COLQ: variants seen among roughly 807,000 people sequenced by gnomAD.
COLQ encodes the protein collagen like tail subunit of asymmetric acetylcholinesterase.
COLQ carries 48 observed loss-of-function variants against 69.0 expected under a neutral mutation model. That is an observed-to-expected ratio of 0.70 (90% CI 0.55 to 0.88). The LOEUF is 0.88. Among genes scored for constraint, COLQ ranks in the 40% least tolerant of loss-of-function variants. The pLI, the probability that COLQ is intolerant of heterozygous loss-of-function variation, is 0.00. For missense variants in COLQ, 618 were observed against 594.6 expected, an observed-to-expected ratio of 1.04 and a Z score of -0.41; for synonymous variants, 217 against 211.2, an observed-to-expected ratio of 1.03 and a Z score of -0.24.
intron 1 of COLQ, among the ~76,000 whole-genome samples, chr3:15,514,600 AC>A (rs1197684030): frequency 1.3e-5 from 2 of 152,152 alleles, no homozygotes; most frequent in African/African-American, 4.8e-5. Flanking sequence ...AGGGCTGGGA[AC>A]CAGTGCTGTA....
chr3:15,509,451 G>C (rs2062954716), intron 1 of COLQ, among the ~76,000 whole-genome samples: 1 of 152,188 alleles, frequency 6.6e-6, no homozygotes, highest in Admixed American at 6.5e-5. Flanking sequence ...GTCTTAGAAG[G>C]GGAGAAGCTT....
intron 13 of COLQ, among the ~76,000 whole-genome samples, chr3:15,457,773 C>T (rs557839991): frequency 6.6e-5 from 10 of 152,168 alleles, no homozygotes; most frequent in South Asian, 6.2e-4. Flanking sequence ...CCACCGCGCC[C>T]GGCTAATTTT....
rs564244822 is a variant in COLQ at position 15,489,589 on chromosome 3, C to T, written c.155G>A (p.Cys52Tyr). 8.7e-6 allele frequency: 14 copies of T among 1,614,220 alleles called. No individual in the cohort carries two copies. The African/African-American group carries it at 1.6e-4, about 18-fold the overall frequency. ...TGGTGGTGGAGGAGGCGTCAGCAGG[C>T]AGCATGCTTTGTGGCCACCACGCTT... ...QKKRGGHKAC[C>Y]LLTPPPPPLF... The change falls in exon 2 of 17, where the codon TGC becomes TAC. Residue 52 changes from cysteine to tyrosine, a missense_variant. Transcript: ENST00000383788.
chr3:15,459,467 C>A (rs1575464276), intron 12 of COLQ, among the ~76,000 whole-genome samples: 1 of 150,068 alleles, frequency 6.7e-6, no homozygotes, highest in South Asian at 2.1e-4. Context: ...ACCACTTTAG[C>A]ATAAGGCATC....
At chr3:15,481,771 G>A (rs925431540) in intron 3 of COLQ, among the ~76,000 whole-genome samples, 18 of 152,198 alleles carry the variant, frequency 1.2e-4, no homozygotes, top group Non-Finnish European at 2.4e-4. Context: ...GTAGCTTGAT[G>A]GGGATGGCAC....
At chr3:15,510,173 C>A (rs1433137996) in intron 1 of COLQ, among the ~76,000 whole-genome samples, 2 of 148,952 alleles carry the variant, frequency 1.3e-5, no homozygotes, top group South Asian at 2.1e-4. Flanking sequence ...GAGACTCTGT[C>A]TAAAAAAAAA....
chr3:15,508,727 CTGA>C (rs1360539647), intron 1 of COLQ, among the ~76,000 whole-genome samples: 1 of 152,088 alleles, frequency 6.6e-6, no homozygotes, highest in African/African-American at 2.4e-5. Flanking sequence ...CACCAACAGT[CTGA>C]TGTTACACCT....
intron 12 of COLQ, among the ~76,000 whole-genome samples, chr3:15,458,849 T>G (rs1385383751): frequency 6.6e-6 from 1 of 151,548 alleles, no homozygotes; most frequent in Non-Finnish European, 1.5e-5. Flanking sequence ...ATATAGAATT[T>G]TTTTTTTTTT....
intron 1 of COLQ, among the ~76,000 whole-genome samples, chr3:15,512,052 C>A (rs546301414): frequency 6.6e-6 from 1 of 151,842 alleles, no homozygotes; most frequent in African/African-American, 2.4e-5. Context: ...ATGCCAGGCC[C>A]GAAACCCCTG....
At chr3:15,470,200 C>T (rs2062258383) in intron 11 of COLQ, among the ~76,000 whole-genome samples, 1 of 152,184 alleles carries the variant, frequency 6.6e-6, no homozygotes, top group Non-Finnish European at 1.5e-5. Flanking sequence ...GACATTGAAG[C>T]ATAAAATAGG....
chr3:15,515,471 G>A (rs928380952), intron 1 of COLQ, among the ~76,000 whole-genome samples: 2 of 152,172 alleles, frequency 1.3e-5, no homozygotes, highest in Non-Finnish European at 2.9e-5. Context: ...ATTGGTGCCA[G>A]TCCATAGGAG....
At chr3:15,480,618 T>C (rs1387421443) in intron 3 of COLQ, among the ~76,000 whole-genome samples, 1 of 152,222 alleles carries the variant, frequency 6.6e-6, no homozygotes, top group African/African-American at 2.4e-5. Context: ...TCTTTGCTAT[T>C]GTGAATAGTG....
chr3:15,490,588 C>T (rs2062649465), intron 1 of COLQ, among the ~76,000 whole-genome samples: 1 of 152,236 alleles, frequency 6.6e-6, no homozygotes, highest in Non-Finnish European at 1.5e-5. Flanking sequence ...TGCTGTTTAT[C>T]ATTGTTACTG....
In COLQ at chr3:15,465,235, G is replaced by GAGATGGAGACTTTATATTTTTATTT. The variant is rs1559515566; in HGVS notation, c.814+1105_814+1106insAAATAAAAATATAAAGTCTCCATCT. ...TTCTCAATAACAGACTTTATATTTTGATTTATTTATTTATTTATTTATTTA... is the reference window on the plus strand; with the variant it reads ...TTCTCAATAACAGACTTTATATTTTGAGATGGAGACTTTATATTTTTATTTATTTATTTATTTATTTATTTATTTA... On this transcript the variant is annotated intron_variant, in intron 12 of 16. Coordinates refer to ENST00000383788, the MANE Select transcript of COLQ (RefSeq NM_005677.4). Among the ~76,000 whole-genome samples the GAGATGGAGACTTTATATTTTTATTT allele has an allele frequency of 2.0e-3, 274 of 135,680 alleles. 6 individuals are homozygous for GAGATGGAGACTTTATATTTTTATTT. Among genetic ancestry groups the GAGATGGAGACTTTATATTTTTATTT allele is most frequent in the African/African-American group, 6.9e-3 (252 of 36,760 alleles). The allele number at this position is 135,680 out of a possible 152,430, so 89.0% of individuals were successfully genotyped here. A position where few individuals can be genotyped will look rare whatever the true frequency, so the allele number is the denominator to read the frequency against.
chr3:15,462,852 T>C (rs1179552806), intron 12 of COLQ, among the ~76,000 whole-genome samples: 1 of 151,948 alleles, frequency 6.6e-6, no homozygotes, highest in African/African-American at 2.4e-5. Context: ...AGGAGTGCCA[T>C]GTAAGGTCAT....
chr3:15,503,774 T>C (rs2062865024), intron 1 of COLQ, among the ~76,000 whole-genome samples: 1 of 152,052 alleles, frequency 6.6e-6, no homozygotes, highest in African/African-American at 2.4e-5. Flanking sequence ...TGAATCTGGA[T>C]GTCTGACTCC....
At chr3:15,458,612 A>T (rs931299491) in intron 12 of COLQ, among the ~76,000 whole-genome samples, 1 of 152,138 alleles carries the variant, frequency 6.6e-6, no homozygotes, top group Non-Finnish European at 1.5e-5. Context: ...CAAGCATGAG[A>T]AGATAAGCCA....
intron 1 of COLQ, among the ~76,000 whole-genome samples, chr3:15,498,153 A>AAGCCAAGGTACCAGCTGCC (rs1320235690): frequency 6.6e-6 from 1 of 152,068 alleles, no homozygotes; most frequent in Admixed American, 6.5e-5. Context: ...TTTTACTTCA[A>AAGCCAAGGTACCAGCTGCC]AGCCAAGGTA....
intron 12 of COLQ, among the ~76,000 whole-genome samples, chr3:15,465,610 CTTT>C (rs71045163): frequency 0.01 from 981 of 94,674 alleles, 8 homozygotes; most frequent in African/African-American, 0.04. Context: ...CTTTCTACAT[CTTT>C]TTTTTTTTTT....
Sources: allele counts gnomAD v4.1 joint callset (sites outside exome capture counted in the v4.1 genomes callset), GRCh38; gene constraint gnomAD v4.1.1; transcripts MANE v1.5; gene names NCBI Gene and HGNC (gene_info 2026-07-23, HGNC 2026-07-21).